DLG2: variants seen among roughly 807,000 people sequenced by gnomAD.
DLG2 encodes the protein discs large MAGUK scaffold protein 2.
In DLG2, 45 loss-of-function variants were observed where a neutral mutation model predicts 132.5. The ratio of observed to expected loss-of-function variants is 0.34; its 90% CI spans 0.27 to 0.44. The LOEUF is 0.44. Ranked by LOEUF, DLG2 falls within the 20% of genes least tolerant of loss-of-function variation. The pLI is 1.00. For synonymous variants in DLG2, 424 were observed against 419.6 expected, an observed-to-expected ratio of 1.01 and a Z score of -0.13; for missense variants, 1,045 against 1,196.9, an observed-to-expected ratio of 0.87 and a Z score of 1.87.
chr11:84,122,772 G>C (rs2093987937), intron 9 of DLG2, among the ~76,000 whole-genome samples: 1 of 152,108 alleles, frequency 6.6e-6, no homozygotes, highest in African/African-American at 2.4e-5. Context: ...AATTGCCCTT[G>C]AAGGTTTTTT....
Position 85,323,105 on chromosome 11 carries a change from C to T in DLG2, c.41-37740G>A, listed in dbSNP as rs182065083. On this transcript the variant is annotated intron_variant, in intron 3 of 27. Coordinates refer to ENST00000376104, the MANE Select transcript of DLG2 (RefSeq NM_001142699.3). The stretch of plus-strand genomic sequence containing the variant: ...CTTTCTAACTCACCTGTCACTTTTT[C>T]CTTCACTCTGTACCATATTGGGTCA... Among the ~76,000 whole-genome samples the T allele has an allele frequency of 2.6e-5, 4 of 152,282 alleles. No homozygotes were observed. In the East Asian group the frequency reaches 7.7e-4, roughly 29 times the overall value.
chr11:84,644,722 G>C (rs1341302618), intron 6 of DLG2, among the ~76,000 whole-genome samples: 2 of 139,290 alleles, frequency 1.4e-5, no homozygotes, highest in African/African-American at 5.2e-5. Context: ...AAAAAAAAAA[G>C]ATGTCTTATG....
chr11:85,008,245 T>C (rs2058868435), intron 6 of DLG2, among the ~76,000 whole-genome samples: 1 of 152,150 alleles, frequency 6.6e-6, no homozygotes, highest in Non-Finnish European at 1.5e-5. Context: ...AACTACTCCA[T>C]GGATTGCTTC....
At chr11:84,706,875 C>T (rs905768139) in intron 6 of DLG2, among the ~76,000 whole-genome samples, 1 of 151,652 alleles carries the variant, frequency 6.6e-6, no homozygotes, top group Non-Finnish European at 1.5e-5. Context: ...GTCAATTAAA[C>T]GTAAATACAA....
chr11:85,007,937 T>A (rs1230575815), intron 6 of DLG2, among the ~76,000 whole-genome samples: 1 of 152,100 alleles, frequency 6.6e-6, no homozygotes, highest in Non-Finnish European at 1.5e-5. Flanking sequence ...GTTTCAAAAT[T>A]CAGAAATATT....
At chr11:83,497,976 T>A (rs1418257706) in intron 21 of DLG2, among the ~76,000 whole-genome samples, 1 of 151,838 alleles carries the variant, frequency 6.6e-6, no homozygotes, top group Non-Finnish European at 1.5e-5. Flanking sequence ...TTAGAAAAAA[T>A]TCAAAGGGAA....
intron 4 of DLG2, among the ~76,000 whole-genome samples, chr11:85,230,271 C>T (rs2075224396): frequency 6.6e-6 from 1 of 151,876 alleles, no homozygotes; most frequent in Admixed American, 6.6e-5. Flanking sequence ...ATAAACAAAG[C>T]ATTCTCACAT....
intron 3 of DLG2, among the ~76,000 whole-genome samples, chr11:85,405,669 A>T (rs1397436394): frequency 1.3e-5 from 2 of 152,000 alleles, no homozygotes; most frequent in Non-Finnish European, 2.9e-5. Flanking sequence ...GGGCTTAGAG[A>T]GGTTAAATAT....
intron 15 of DLG2, among the ~76,000 whole-genome samples, chr11:83,898,370 G>A (rs12295183): frequency 0.096 from 14,632 of 151,888 alleles, 837 homozygotes; most frequent in Middle Eastern, 0.19. Context: ...TCATGCTAGG[G>A]AGCTTTAGTT....
chr11:85,078,089 G>C (rs1197019984), intron 6 of DLG2, among the ~76,000 whole-genome samples: 2 of 151,372 alleles, frequency 1.3e-5, no homozygotes, highest in Non-Finnish European at 2.9e-5. Context: ...CCCACTGTGA[G>C]TCAGGTATTG....
At chr11:84,534,054 T>C (rs1345844698) in intron 7 of DLG2, among the ~76,000 whole-genome samples, 2 of 152,006 alleles carry the variant, frequency 1.3e-5, no homozygotes, top group East Asian at 1.9e-4. Flanking sequence ...TTTTAAAAAG[T>C]AGAAAGTGTT....
chr11:83,880,688 A>G (rs1324401220), intron 15 of DLG2, among the ~76,000 whole-genome samples: 1 of 152,234 alleles, frequency 6.6e-6, no homozygotes, highest in Non-Finnish European at 1.5e-5. Flanking sequence ...ACAGAAGTGC[A>G]TGTGTGTAAA....
At chr11:84,892,870 T>A (rs536036028) in intron 6 of DLG2, among the ~76,000 whole-genome samples, 1 of 151,864 alleles carries the variant, frequency 6.6e-6, no homozygotes, top group Non-Finnish European at 1.5e-5. Context: ...CACTCTATCA[T>A]CATACACTAA....
intron 21 of DLG2, among the ~76,000 whole-genome samples, chr11:83,488,194 T>A (rs1219611350): frequency 1.3e-5 from 2 of 152,052 alleles, no homozygotes; most frequent in Non-Finnish European, 2.9e-5. Flanking sequence ...ATAATTTTTA[T>A]CTTTAATTGA....
At chr11:85,435,237 T>C (rs190586057) in intron 3 of DLG2, among the ~76,000 whole-genome samples, 23 of 152,278 alleles carry the variant, frequency 1.5e-4, no homozygotes, top group African/African-American at 4.8e-4. Context: ...CTGGAAGCAT[T>C]CCCTTTGAAA....
rs534304493 is a variant in DLG2 at position 84,819,270 on chromosome 11, C to T, written c.358-284539G>A. Among the ~76,000 whole-genome samples, 10 of 152,056 alleles carry T rather than the reference C, an allele frequency of 6.6e-5. 1 individual carries two copies. The highest frequency in any genetic ancestry group is 2.2e-4 in the African/African-American group (9 of 41,518). ...ATGATGTTTCTGTTATATAAAGCTA[C>T]TGCTTCTTCCTGTGTCAAAACTGGG... On this transcript the variant is annotated intron_variant, in intron 6 of 27. Transcript: ENST00000376104.
chr11:85,339,945 T>A (rs557692022), intron 3 of DLG2, among the ~76,000 whole-genome samples: 11 of 152,162 alleles, frequency 7.2e-5, no homozygotes, highest in Non-Finnish European at 1.3e-4. Context: ...TGAGATACCA[T>A]CTCACGCCAG....
chr11:83,539,264 T>C (rs1281016011), intron 20 of DLG2, among the ~76,000 whole-genome samples: 1 of 152,140 alleles, frequency 6.6e-6, no homozygotes, highest in Non-Finnish European at 1.5e-5. Flanking sequence ...GATGATTAAA[T>C]GACATTATCA....
chr11:84,541,407 T>C (rs2099369721), intron 6 of DLG2, among the ~76,000 whole-genome samples: 1 of 151,998 alleles, frequency 6.6e-6, no homozygotes, highest in African/African-American at 2.4e-5. Flanking sequence ...CCCAGATTCC[T>C]TCATCAAGCA....
Sources: allele counts gnomAD v4.1 joint callset (sites outside exome capture counted in the v4.1 genomes callset), GRCh38; gene constraint gnomAD v4.1.1; transcripts MANE v1.5; gene names NCBI Gene and HGNC (gene_info 2026-07-23, HGNC 2026-07-21).